GLIS3: variants seen among roughly 807,000 people sequenced by gnomAD.
GLIS3 encodes GLIS family zinc finger 3, also known as zinc finger protein GLIS3.
GLIS3 carries 53 observed loss-of-function variants against 78.6 expected under a neutral mutation model. The observed-to-expected ratio is 0.67, with a 90% CI of 0.54 to 0.85. The LOEUF (loss-of-function observed/expected upper bound fraction) is 0.85, where lower values mean the gene tolerates loss of function less well. Ranked by LOEUF, GLIS3 falls within the 40% of genes least tolerant of loss-of-function variation. GLIS3 has a pLI of 0.00. For missense variants in GLIS3, 1,703 were observed against 1,231.1 expected (o/e 1.38, Z -5.74); for synonymous variants, 684 against 509.9 (o/e 1.34, Z -4.60).
chr9:3,908,135 T>A (rs529385327), intron 6 of GLIS3, among the ~76,000 whole-genome samples: 1 of 152,320 alleles, frequency 6.6e-6, no homozygotes, highest in African/African-American at 2.4e-5. Context: ...GGGCTTCAGA[T>A]GTCACTGTGT....
chr9:3,927,974 T>C lies in GLIS3; in HGVS notation c.1983+4386A>G, dbSNP rs868318800. 5.3e-5 allele frequency among the ~76,000 whole-genome samples: 8 copies of C among 152,242 alleles called. No homozygotes were observed. In the East Asian group the frequency reaches 9.6e-4, roughly 18 times the overall value. On this transcript the variant is annotated intron_variant, in intron 6 of 10. Coordinates refer to ENST00000381971, the MANE Select transcript of GLIS3 (RefSeq NM_001042413.2). ...ACAAAAGCATCTCCCAGAGCCTTTA[T>C]TGAAGTAAGTTACTTTTCAAATGAG...
the GLIS3 span, among the ~76,000 whole-genome samples, chr9:4,487,909 C>A: frequency 1.3e-5 from 2 of 152,100 alleles, no homozygotes; most frequent in Non-Finnish European, 2.9e-5. Flanking sequence ...CCAGGTTGGT[C>A]TCAAACTCCT....
chr9:4,466,591 A>G, the GLIS3 span, among the ~76,000 whole-genome samples: 1 of 152,228 alleles, frequency 6.6e-6, no homozygotes, highest in Non-Finnish European at 1.5e-5. Flanking sequence ...ATACATCATA[A>G]CCAATGGGAT....
rs1374515810 is a variant in GLIS3, at chr9:3,852,869, T to G, written c.2473+3140A>C. Among the ~76,000 whole-genome samples, 3 of 152,342 alleles carry G rather than the reference T, an allele frequency of 2.0e-5. No homozygotes were observed. In the South Asian group the frequency reaches 6.2e-4, roughly 32 times the overall value. On this transcript the variant is annotated intron_variant, in intron 9 of 10. Transcript: ENST00000381971. ...TTTAAACTTATTTTTAGGGCTGATA[T>G]TAGCAGTTTCTCATTGGCCATGGGG... is the stretch of plus-strand genomic sequence containing the variant.
chr9:4,476,586 T>C, the GLIS3 span, among the ~76,000 whole-genome samples: 1 of 152,270 alleles, frequency 6.6e-6, no homozygotes, highest in African/African-American at 2.4e-5. Flanking sequence ...GGTCTCGAAC[T>C]CCTGACCTCA....
chr9:4,406,479 C>T, the GLIS3 span, among the ~76,000 whole-genome samples: 4 of 152,220 alleles, frequency 2.6e-5, no homozygotes, highest in South Asian at 6.2e-4. Context: ...CACCACCAGG[C>T]CTGGCTAATT....
the GLIS3 span, among the ~76,000 whole-genome samples, chr9:4,470,902 A>G: frequency 1.1e-4 from 16 of 152,242 alleles, no homozygotes; most frequent in African/African-American, 3.9e-4. Context: ...CAACTTCAGC[A>G]AAGTCTCAGG....
chr9:4,251,246 T>C (rs767212341), intron 2 of GLIS3, among the ~76,000 whole-genome samples: 8 of 152,292 alleles, frequency 5.3e-5, no homozygotes, highest in Non-Finnish European at 1.2e-4. Context: ...ACTCTACGTC[T>C]CTTTGTAGGT....
the GLIS3 span, among the ~76,000 whole-genome samples, chr9:4,353,872 G>C: frequency 6.6e-6 from 1 of 152,282 alleles, no homozygotes; most frequent in East Asian, 1.9e-4. Flanking sequence ...CTGTCGCCCA[G>C]GATGGAGTGC....
intron 1 of GLIS3, among the ~76,000 whole-genome samples, chr9:4,288,000 G>A (rs1353550992): frequency 6.6e-6 from 1 of 152,052 alleles, no homozygotes; most frequent in East Asian, 1.9e-4. Context: ...TCTAGTTCCG[G>A]AAAACACTCA....
At chr9:4,301,311 T>G (rs958314584), upstream of GLIS3, among the ~76,000 whole-genome samples, 2 of 152,164 alleles carry the variant, frequency 1.3e-5, no homozygotes, top group Non-Finnish European at 2.9e-5. Context: ...TTCTCTCTGT[T>G]CATCTCTTTT....
rs1015677442 is a variant in GLIS3 at position 4,279,362 on chromosome 9, C to T, written c.388+6676G>A. On this transcript the variant is annotated intron_variant, in intron 2 of 10. Transcript: ENST00000381971. ...ACACACACACACACACACACACACA[C>T]ATAATACATATTATATATATTTTAT... Among the ~76,000 whole-genome samples the T allele has an allele frequency of 3.9e-3, 188 of 47,852 alleles. 3 individuals carry two copies. Among genetic ancestry groups the T allele is most frequent in the Middle Eastern group, 0.011 (1 of 88 alleles). 31.4% of individuals were successfully genotyped at this position (47,852 alleles called of 152,430 possible).
chr9:4,066,313 C>T (rs1034833749), intron 4 of GLIS3, among the ~76,000 whole-genome samples: 14 of 152,142 alleles, frequency 9.2e-5, no homozygotes, highest in African/African-American at 3.1e-4. Flanking sequence ...CCAGAAGCAT[C>T]CAGGCAGGGA....
the GLIS3 span, among the ~76,000 whole-genome samples, chr9:4,403,059 C>T: frequency 0.71 from 108,430 of 152,030 alleles, 38,786 homozygotes; most frequent in South Asian, 0.81. Flanking sequence ...AGAAAGGATC[C>T]TAAAAGCAGC....
At chr9:3,978,730 G>T (rs913981775) in intron 4 of GLIS3, among the ~76,000 whole-genome samples, 1 of 151,554 alleles carries the variant, frequency 6.6e-6, no homozygotes, top group Non-Finnish European at 1.5e-5. Flanking sequence ...TATTATATTC[G>T]AATAAATTAT....
intron 6 of GLIS3, among the ~76,000 whole-genome samples, chr9:3,919,522 A>T (rs1824731517): frequency 6.6e-6 from 1 of 152,130 alleles, no homozygotes; most frequent in Non-Finnish European, 1.5e-5. Context: ...AGAAAAAATA[A>T]CTAATAGGTA....
At chr9:4,320,707 T>C (rs887504995) in intron 2 of GLIS3, among the ~76,000 whole-genome samples, 5 of 151,854 alleles carry the variant, frequency 3.3e-5, no homozygotes, top group African/African-American at 4.8e-5. Context: ...ACTACTACTA[T>C]CTCTACTATC....
At chr9:4,396,296 T>C in the GLIS3 span, among the ~76,000 whole-genome samples, 1 of 152,038 alleles carries the variant, frequency 6.6e-6, no homozygotes, top group East Asian at 1.9e-4. Flanking sequence ...GTTTTTTGCA[T>C]TTTTAGTAGA....
At position 4,346,681 on chromosome 9, in the gene GLIS3, G is replaced by A. The variant is rs186572475; in HGVS notation, n.264+400C>T. On this transcript the variant is annotated intron_variant and non_coding_transcript_variant, in intron 2 of 4. Transcript: ENST00000471664. ...TTTAATAATGGATGGAGCCGGGCGC[G>A]GTGGCTCACGCCTGTAATCCCAGCA... Among the ~76,000 whole-genome samples the A allele has an allele frequency of 6.5e-3, 3 of 462 alleles. 1 individual carries two copies. The highest frequency in any genetic ancestry group is 4.4e-3 in the African/African-American group (2 of 456). 0.3% of individuals were successfully genotyped at this position (462 alleles called of 152,430 possible).
Sources: allele counts gnomAD v4.1 joint callset (sites outside exome capture counted in the v4.1 genomes callset), GRCh38; gene constraint gnomAD v4.1.1; transcripts MANE v1.5; gene names NCBI Gene and HGNC (gene_info 2026-07-23, HGNC 2026-07-21).